ANK3: variants seen among roughly 807,000 people sequenced by gnomAD.
ANK3 encodes ankyrin 3, also known as ankyrin-3.
ANK3 carries 57 observed loss-of-function variants against 370.9 expected under a neutral mutation model. The ratio of observed to expected loss-of-function variants is 0.15; its 90% CI spans 0.12 to 0.19. The LOEUF is 0.19. Ranked by LOEUF, ANK3 falls within the 10% of genes least tolerant of loss-of-function variation. The probability of loss-of-function intolerance (pLI) is 1.00; values close to 1 mark genes in which losing one functional copy is unlikely to be tolerated. For missense variants in ANK3, 4,439 were observed against 5,302.1 expected (o/e 0.84, Z 5.06); for synonymous variants, 1,929 against 1,946.3 (o/e 0.99, Z 0.23).
At chr10:60,356,575 C>A (rs2057779623) in intron 1 of ANK3, among the ~76,000 whole-genome samples, 1 of 152,214 alleles carries the variant, frequency 6.6e-6, no homozygotes, top group African/African-American at 2.4e-5. Context: ...TTGGCCCCAG[C>A]TAAATGCTTT....
In ANK3 at chr10:60,072,687, C is replaced by T; in HGVS notation, c.8194G>A (p.Asp2732Asn). 6.2e-7 allele frequency: 1 copy of T among 1,613,906 alleles called. No individual in the cohort carries two copies. Among genetic ancestry groups the T allele is most frequent in the South Asian group, 1.1e-5 (1 of 91,026 alleles). ...GACTTTCTGTCTTCTTGAGACATGT[C>T]CTTACTTTTTGCGTGTGTGCCTTGT... is the stretch of plus-strand genomic sequence containing the variant. ...FEQGTHAKSK[D>N]MSQEDRKSDG... is the part of the protein sequence containing the mutation. Residue 2732 changes from aspartate (D) to asparagine (N), a missense_variant, in exon 37 of 44, where the codon GAC (aspartate) becomes AAC (asparagine). Around this residue, in one of 13 missense-constraint regions of ANK3, gnomAD observed 1,601 missense variants for 1,731.7 expected, o/e 0.92. Coordinates refer to ENST00000280772, the MANE Select transcript of ANK3 (RefSeq NM_020987.5).
At chr10:60,280,548 T>C (rs2132709624) in intron 1 of ANK3, among the ~76,000 whole-genome samples, 1 of 152,314 alleles carries the variant, frequency 6.6e-6, no homozygotes, top group East Asian at 1.9e-4. Context: ...CTAACATCTA[T>C]AATTTCATAG....
chr10:60,574,942 G>A (rs1567158754), intron 2 of ANK3, among the ~76,000 whole-genome samples: 1 of 151,908 alleles, frequency 6.6e-6, no homozygotes, highest in Admixed American at 6.6e-5. Context: ...AAAGAACATG[G>A]GCCTCTTTCT....
At chr10:60,648,158 CT>C (rs35974681) in intron 1 of ANK3, among the ~76,000 whole-genome samples, 10 of 101,558 alleles carry the variant, frequency 9.8e-5, no homozygotes, top group Admixed American at 2.3e-4. Flanking sequence ...TTTTTTTTTC[CT>C]TTTTTTTTTT....
chr10:60,667,233 T>C (rs1005194618), intron 1 of ANK3, among the ~76,000 whole-genome samples: 1 of 140,854 alleles, frequency 7.1e-6, no homozygotes, highest in Non-Finnish European at 1.5e-5. Flanking sequence ...TATATTGAAT[T>C]GAAGAAAAGT....
Position 60,336,516 on chromosome 10 carries a change from C to T in ANK3, c.114+52909G>A, listed in dbSNP as rs536767618. On this transcript the variant is annotated intron_variant, in intron 1 of 43. Transcript: ENST00000280772. ...CATATACACACAGAAAAGCACAATGCCAAAATGGTCATAGTAGTTGCATAT... is the reference window on the plus strand; with the variant it reads ...CATATACACACAGAAAAGCACAATGTCAAAATGGTCATAGTAGTTGCATAT... Among the ~76,000 whole-genome samples the T allele has an allele frequency of 1.7e-4, 26 of 152,106 alleles. No homozygotes were observed. The South Asian group carries it at 4.6e-3, about 27-fold the overall frequency.
At chr10:60,717,573 C>T (rs1200880380) in intron 1 of ANK3, among the ~76,000 whole-genome samples, 1 of 152,146 alleles carries the variant, frequency 6.6e-6, no homozygotes, top group Non-Finnish European at 1.5e-5. Context: ...TTACTATGAA[C>T]CAAGCACTGA....
intron 23 of ANK3, among the ~76,000 whole-genome samples, chr10:60,141,964 A>T (rs1051232730): frequency 6.6e-6 from 1 of 152,154 alleles, no homozygotes; most frequent in Non-Finnish European, 1.5e-5. Context: ...ATAATTTCCA[A>T]CTCTAAAGAA....
chr10:60,229,248 T>A (rs1386119767), intron 8 of ANK3, among the ~76,000 whole-genome samples: 2 of 152,194 alleles, frequency 1.3e-5, no homozygotes, highest in Non-Finnish European at 2.9e-5. Flanking sequence ...AGAAACATTT[T>A]CAGGCTAGTT....
chr10:60,440,693 G>A (rs1486885883), intron 2 of ANK3, among the ~76,000 whole-genome samples: 1 of 152,124 alleles, frequency 6.6e-6, no homozygotes, highest in Non-Finnish European at 1.5e-5. Context: ...ACTGACCCAG[G>A]ATCTTTAGGA....
Position 60,213,600 on chromosome 10 carries a change from C to A in ANK3, c.898-90G>T, listed in dbSNP as rs1048794436. 3 of 722,228 alleles carry A rather than the reference C, an allele frequency of 4.2e-6. No individual in the cohort carries two copies. The African/African-American group carries it at 5.4e-5, about 13-fold the overall frequency. 44.7% of individuals were successfully genotyped at this position (722,228 alleles called of 1,614,324 possible). On this transcript the variant is annotated intron_variant, in intron 8 of 43. Coordinates refer to ENST00000280772, the MANE Select transcript of ANK3 (RefSeq NM_020987.5). ...CTTCAAGATCCAGCATGGCACCCAACATGCTGTGGTCAAGCGGGCTTCAAA... is the reference window on the plus strand; with the variant it reads ...CTTCAAGATCCAGCATGGCACCCAAAATGCTGTGGTCAAGCGGGCTTCAAA...
At chr10:60,375,775 G>A (rs1214974287) in intron 1 of ANK3, among the ~76,000 whole-genome samples, 1 of 152,128 alleles carries the variant, frequency 6.6e-6, no homozygotes, top group Non-Finnish European at 1.5e-5. Flanking sequence ...ACACATACAG[G>A]TATTTATCGT....
At chr10:60,697,242 G>T (rs1356876258) in intron 1 of ANK3, among the ~76,000 whole-genome samples, 166 of 149,470 alleles carry the variant, frequency 1.1e-3, no homozygotes, top group African/African-American at 3.7e-3. Context: ...CACTGCTCAA[G>T]GAAATAAAAG....
intron 1 of ANK3, among the ~76,000 whole-genome samples, chr10:60,651,776 A>T (rs2078792007): frequency 6.6e-6 from 1 of 152,074 alleles, no homozygotes; most frequent in Non-Finnish European, 1.5e-5. Context: ...TGGTAGTGCT[A>T]AGAATAGTGC....
chr10:60,301,307 T>C (rs1471824458), intron 1 of ANK3, among the ~76,000 whole-genome samples: 1 of 147,632 alleles, frequency 6.8e-6, no homozygotes, highest in Non-Finnish European at 1.5e-5. Flanking sequence ...CATACATATA[T>C]ACACACATAC....
intron 1 of ANK3, among the ~76,000 whole-genome samples, chr10:60,617,997 A>G (rs772320197): frequency 2.0e-5 from 3 of 152,182 alleles, no homozygotes; most frequent in Non-Finnish European, 4.4e-5. Flanking sequence ...CTATGGGCTT[A>G]AGACAGGTAG....
intron 5 of ANK3, among the ~76,000 whole-genome samples, chr10:60,269,117 G>A (rs1343194584): frequency 6.6e-6 from 1 of 152,142 alleles, no homozygotes; most frequent in Non-Finnish European, 1.5e-5. Flanking sequence ...CTAATTCACT[G>A]TGTTGTTAGA....
At chr10:60,612,522 C>T (rs569871638) in intron 2 of ANK3, among the ~76,000 whole-genome samples, 8 of 152,202 alleles carry the variant, frequency 5.3e-5, no homozygotes, top group South Asian at 2.1e-4. Context: ...GATGGAGTCT[C>T]GCTCTGTCTC....
intron 1 of ANK3, among the ~76,000 whole-genome samples, chr10:60,692,463 T>A (rs922225849): frequency 8.5e-5 from 13 of 152,214 alleles, no homozygotes; most frequent in African/African-American, 3.1e-4. Flanking sequence ...AGGTTCTCAA[T>A]TTCCATTTCT....
Sources: allele counts gnomAD v4.1 joint callset (sites outside exome capture counted in the v4.1 genomes callset), GRCh38; gene constraint gnomAD v4.1.1; regional missense constraint gnomAD v4.1.1; transcripts MANE v1.5; gene names NCBI Gene and HGNC (gene_info 2026-07-23, HGNC 2026-07-21).